The following KAZN variants were observed in gnomAD, a reference collection of about 807,000 sequenced individuals.
KAZN encodes kazrin.
A neutral mutation model predicts 87.4 loss-of-function variants in KAZN; 40 were observed. That is an observed-to-expected ratio of 0.46 (90% CI 0.36 to 0.60). The LOEUF (loss-of-function observed/expected upper bound fraction) is 0.60. Ranked by LOEUF, KAZN falls within the 20% of genes least tolerant of loss-of-function variation. The pLI is 0.00. For missense variants in KAZN, 898 were observed against 1,073.9 expected, an observed-to-expected ratio of 0.84 and a Z score of 2.29; for synonymous variants, 466 against 458.3, an observed-to-expected ratio of 1.02 and a Z score of -0.22.
rs1228158694 is a variant in KAZN, at chr1:14,942,371, T to C, written c.227-18313T>C. ...GTGCGGAGAGGAAAAAGGAAAGATC[T>C]AGTAGAAGTTCAGCTCAAGAGAGTA... is the stretch of plus-strand genomic sequence containing the variant. On this transcript the variant is annotated intron_variant, in intron 1 of 14. Transcript: ENST00000376030. Among the ~76,000 whole-genome samples the C allele has an allele frequency of 1.3e-5, 2 of 152,170 alleles. 1 individual carries two copies. Among genetic ancestry groups the C allele is most frequent in the African/African-American group, 4.8e-5 (2 of 41,440 alleles).
chr1:14,016,364 C>T (rs576310303), intron 1 of KAZN, among the ~76,000 whole-genome samples: 9 of 152,246 alleles, frequency 5.9e-5, no homozygotes, highest in African/African-American at 1.7e-4. Context: ...GCTTACAAAG[C>T]GTATTCATAA....
chr1:14,818,991 G>A (rs547684977), intron 1 of KAZN, among the ~76,000 whole-genome samples: 3 of 152,312 alleles, frequency 2.0e-5, no homozygotes, highest in East Asian at 1.9e-4. Flanking sequence ...GGAGGCAAAC[G>A]CCGCAGTGAG....
intron 1 of KAZN, among the ~76,000 whole-genome samples, chr1:14,713,312 G>A (rs1436700188): frequency 1.3e-5 from 2 of 152,194 alleles, no homozygotes; most frequent in African/African-American, 4.8e-5. Context: ...ATGTGGCCAC[G>A]TCCAGGTGTG....
chr1:14,457,360 AG>A (rs1667621022), intron 2 of KAZN, among the ~76,000 whole-genome samples: 1 of 152,078 alleles, frequency 6.6e-6, no homozygotes, highest in African/African-American at 2.4e-5. Context: ...TTTCTCTACC[AG>A]GGTTGCCTGT....
chr1:14,249,434 G>A (rs1649808234), intron 2 of KAZN, among the ~76,000 whole-genome samples: 1 of 152,200 alleles, frequency 6.6e-6, no homozygotes, highest in Non-Finnish European at 1.5e-5. Flanking sequence ...ATTGCAAAAT[G>A]AATTTATCGA....
intron 1 of KAZN, among the ~76,000 whole-genome samples, chr1:14,076,445 A>C (rs778657202): frequency 6.6e-6 from 1 of 152,178 alleles, no homozygotes; most frequent in Non-Finnish European, 1.5e-5. Flanking sequence ...CAGATTCTCC[A>C]TCACATCTCA....
chr1:15,003,459 A>G (rs577501679), intron 2 of KAZN, among the ~76,000 whole-genome samples: 1 of 152,322 alleles, frequency 6.6e-6, no homozygotes, highest in East Asian at 1.9e-4. Flanking sequence ...CTCATTGTGC[A>G]TTTCAAATTA....
In KAZN at chr1:14,347,723, G is replaced by C. The variant is rs1658209139; in HGVS notation, c.249+167131G>C. ...TATATGTTGTATATTATGATACCTA[G>C]ACTATGTAAAGGGTGTGTGTGTGAG... On this transcript the variant is annotated intron_variant, in intron 2 of 16. Transcript: ENST00000636203. 2.0e-5 allele frequency among the ~76,000 whole-genome samples: 3 copies of C among 152,018 alleles called. No individual in the cohort carries two copies. In the South Asian group the frequency reaches 6.2e-4, roughly 32 times the overall value.
chr1:14,181,847 C>T (rs1438263073), intron 2 of KAZN, among the ~76,000 whole-genome samples: 3 of 152,140 alleles, frequency 2.0e-5, no homozygotes, highest in Admixed American at 1.3e-4. Flanking sequence ...TGCCTGGTCC[C>T]AATCCTGTAG....
chr1:14,604,576 A>AC (rs1292963890), intron 1 of KAZN, among the ~76,000 whole-genome samples: 1 of 152,090 alleles, frequency 6.6e-6, no homozygotes, highest in Non-Finnish European at 1.5e-5. Context: ...CACTCCTGCT[A>AC]CCCCCTTGGA....
intron 1 of KAZN, among the ~76,000 whole-genome samples, chr1:13,953,381 G>A (rs1412560013): frequency 6.6e-6 from 1 of 152,180 alleles, no homozygotes; most frequent in Middle Eastern, 3.2e-3. Flanking sequence ...CTTTTGCAAA[G>A]ATCATTATGA....
At chr1:14,398,889 T>C (rs1663131316) in intron 2 of KAZN, among the ~76,000 whole-genome samples, 1 of 152,174 alleles carries the variant, frequency 6.6e-6, no homozygotes, top group South Asian at 2.1e-4. Context: ...GTTCTCACTC[T>C]GTGACTTTCG....
rs1658803500 is a variant in KAZN, at chr1:14,923,661, G to A, written c.227-37023G>A. On this transcript the variant is annotated intron_variant, in intron 1 of 14. Transcript: ENST00000376030. This position sits in a 1 kb window ranked among gnomAD's most constrained non-coding sequence, Gnocchi z 4.2. ...CGATCTCCCCCACCAGACGGTGGGT[G>A]CACTCAGCATTCCCCTCACTTAGAG... Among the ~76,000 whole-genome samples, 1 of 152,216 alleles carries A rather than the reference G, an allele frequency of 6.6e-6. No individual in the cohort carries two copies. Among genetic ancestry groups the A allele is most frequent in the East Asian group, 1.9e-4 (1 of 5,184 alleles).
intron 2 of KAZN, among the ~76,000 whole-genome samples, chr1:14,244,447 T>G (rs1649303007): frequency 6.6e-6 from 1 of 152,230 alleles, no homozygotes; most frequent in Non-Finnish European, 1.5e-5. Flanking sequence ...TGTTCAGTAA[T>G]TTATTCATTT....
chr1:14,363,085 G>A lies in KAZN; in HGVS notation c.249+182493G>A, dbSNP rs571677756. On this transcript the variant is annotated intron_variant, in intron 2 of 16. Coordinates refer to the KAZN transcript ENST00000636203. Reference sequence around the variant, plus strand: ...AAGAACTGGCTCTCTGGCTCTAGAAGGCTCCAGAGCTTCACTCCAGGGAGC... The same window carrying A: ...AAGAACTGGCTCTCTGGCTCTAGAAAGCTCCAGAGCTTCACTCCAGGGAGC... Among the ~76,000 whole-genome samples the A allele has an allele frequency of 3.3e-5, 5 of 152,250 alleles. No homozygotes were observed. In the East Asian group the frequency reaches 7.7e-4, roughly 24 times the overall value.
intron 2 of KAZN, among the ~76,000 whole-genome samples, chr1:14,368,159 T>C (rs1030393390): frequency 6.6e-6 from 1 of 152,050 alleles, no homozygotes; most frequent in Admixed American, 6.5e-5. Flanking sequence ...AATGTGTTTG[T>C]TGACTGCTAT....
intron 1 of KAZN, among the ~76,000 whole-genome samples, chr1:14,847,898 C>T (rs1230132792): frequency 1.3e-5 from 2 of 152,080 alleles, no homozygotes; most frequent in Admixed American, 6.5e-5. Context: ...GAGGATCACT[C>T]GAGCCCAGGA....
chr1:14,600,101 A>AT lies in KAZN; in HGVS notation c.226+888dup, dbSNP rs3215548. Among the ~76,000 whole-genome samples, 149 of 151,454 alleles carry AT rather than the reference A, an allele frequency of 9.8e-4. 2 individuals carry two copies. The East Asian group carries it at 0.023, about 23-fold the overall frequency. Reference sequence around the variant, plus strand: ...TAAAAGGGTAAGCAGGCTTTGGGGGATTTTTTTTTTCTTTTTGCCTAATTG... The same window carrying AT: ...TAAAAGGGTAAGCAGGCTTTGGGGGATTTTTTTTTTTCTTTTTGCCTAATTG... On this transcript the variant is annotated intron_variant, in intron 1 of 14. Transcript: ENST00000376030.
intron 1 of KAZN, among the ~76,000 whole-genome samples, chr1:14,032,536 C>T (rs1231762323): frequency 6.6e-6 from 1 of 152,182 alleles, no homozygotes; most frequent in African/African-American, 2.4e-5. Context: ...TTGACCTAGA[C>T]CTCTATTGTC....
Sources: allele counts gnomAD v4.1 joint callset (sites outside exome capture counted in the v4.1 genomes callset), GRCh38; gene constraint gnomAD v4.1.1; non-coding constraint Gnocchi (gnomAD v3.1); transcripts MANE v1.5; gene names NCBI Gene and HGNC (gene_info 2026-07-23, HGNC 2026-07-21).